The following CCDC7 variants were observed in gnomAD, a reference collection of about 807,000 sequenced individuals.
The protein encoded by CCDC7 is coiled-coil domain-containing protein 7.
Under a neutral mutation model 196.9 loss-of-function variants are expected in CCDC7, and 183 were observed. The ratio of observed to expected loss-of-function variants is 0.93; its 90% CI spans 0.82 to 1.05. The LOEUF is 1.05. Among genes scored for constraint, CCDC7 ranks in the 50% least tolerant of loss-of-function variants. The pLI, the probability that CCDC7 is intolerant of heterozygous loss-of-function variation, is 0.00. For synonymous variants in CCDC7, 525 were observed against 484.6 expected (o/e 1.08, Z -1.10); for missense variants, 1,540 against 1,482.2 (o/e 1.04, Z -0.64).
chr10:32,819,894 G>C (rs1021154246), intron 31 of CCDC7, among the ~76,000 whole-genome samples: 14 of 152,170 alleles, frequency 9.2e-5, no homozygotes, highest in African/African-American at 3.4e-4. Context: ...CATTCCCTTT[G>C]AAAACTGGCA....
At chr10:32,600,201 A>G (rs1402359798) in intron 18 of CCDC7, among the ~76,000 whole-genome samples, 1 of 151,802 alleles carries the variant, frequency 6.6e-6, no homozygotes, top group African/African-American at 2.4e-5. Flanking sequence ...TGAGCATGGG[A>G]TGTGTTTTCA....
chr10:32,717,461 A>T (rs977144748), intron 25 of CCDC7, among the ~76,000 whole-genome samples: 1 of 152,206 alleles, frequency 6.6e-6, no homozygotes, highest in African/African-American at 2.4e-5. Flanking sequence ...CTAACATCAC[A>T]ATTAAAAGAA....
intron 28 of CCDC7, among the ~76,000 whole-genome samples, chr10:32,742,351 C>G (rs995850473): frequency 4.6e-5 from 7 of 152,096 alleles, no homozygotes; most frequent in Non-Finnish European, 7.4e-5. Context: ...ACATTATCAC[C>G]CAAAGTCCAT....
At chr10:32,627,820 G>C (rs774391104) in intron 18 of CCDC7, among the ~76,000 whole-genome samples, 2 of 151,758 alleles carry the variant, frequency 1.3e-5, no homozygotes, top group East Asian at 3.9e-4. Flanking sequence ...CACATTTATT[G>C]ATTTGTATGT....
chr10:32,612,930 G>C (rs2062346313), intron 18 of CCDC7, among the ~76,000 whole-genome samples: 1 of 151,540 alleles, frequency 6.6e-6, no homozygotes, highest in Non-Finnish European at 1.5e-5. Context: ...GGATGATGCT[G>C]ACCTCATAAA....
intron 24 of CCDC7, among the ~76,000 whole-genome samples, chr10:32,700,185 T>G (rs1460114259): frequency 6.7e-6 from 1 of 149,634 alleles, no homozygotes; most frequent in Non-Finnish European, 1.5e-5. Flanking sequence ...TTTATGGTTT[T>G]AGGTCTAACA....
At chr10:32,528,634 A>ATGTG (rs529956709) in intron 11 of CCDC7, among the ~76,000 whole-genome samples, 1 of 124,936 alleles carries the variant, frequency 8.0e-6, no homozygotes, top group African/African-American at 2.5e-5. Context: ...TGGTATATGT[A>ATGTG]TGTGTGTGTG....
intron 13 of CCDC7, among the ~76,000 whole-genome samples, chr10:32,544,638 T>C (rs1396975316): frequency 6.6e-6 from 1 of 152,182 alleles, no homozygotes; most frequent in East Asian, 1.9e-4. Flanking sequence ...TATATGACTT[T>C]GGATAATTCC....
intron 31 of CCDC7, among the ~76,000 whole-genome samples, chr10:32,821,371 A>G (rs528746723): frequency 6.6e-6 from 1 of 152,152 alleles, no homozygotes; most frequent in African/African-American, 2.4e-5. Context: ...GTGGGACTGT[A>G]AACTAGTTCA....
At chr10:32,877,946 GTTGA>G (rs925888964), downstream of CCDC7, among the ~76,000 whole-genome samples, 5 of 152,004 alleles carry the variant, frequency 3.3e-5, no homozygotes, top group South Asian at 2.1e-4. Context: ...AATGGTTGCA[GTTGA>G]TTTTTTTTTT....
chr10:32,506,050 C>T lies in CCDC7; in HGVS notation c.873-11895C>T, dbSNP rs2044981540. Among the ~76,000 whole-genome samples, 4 of 142,946 alleles carry T rather than the reference C, an allele frequency of 2.8e-5. No homozygotes were observed. In the South Asian group the frequency reaches 7.0e-4, roughly 25 times the overall value. The allele number at this position is 142,946 out of a possible 152,430, so 93.8% of individuals were successfully genotyped here. ...TTTGGGGCGGCTGGGCAGAGACGCTCCTCAGTTCCTAGATGGGGTGGCGGC... is the reference window on the plus strand; with the variant it reads ...TTTGGGGCGGCTGGGCAGAGACGCTTCTCAGTTCCTAGATGGGGTGGCGGC... On this transcript the variant is annotated intron_variant, in intron 9 of 41. Transcript: ENST00000639629.
chr10:32,477,800 C>T (rs909773231), intron 8 of CCDC7, among the ~76,000 whole-genome samples: 3 of 152,108 alleles, frequency 2.0e-5, no homozygotes, highest in Non-Finnish European at 4.4e-5. Context: ...TGTTGTTCTT[C>T]AACATTGTGT....
At chr10:32,790,142 A>G (rs967236340) in intron 29 of CCDC7, among the ~76,000 whole-genome samples, 6 of 152,090 alleles carry the variant, frequency 3.9e-5, no homozygotes. Context: ...TTAGTGGTCT[A>G]CAGTTTTGAA....
intron 11 of CCDC7, among the ~76,000 whole-genome samples, chr10:32,529,136 C>G (rs1175412340): frequency 6.6e-6 from 1 of 152,092 alleles, no homozygotes; most frequent in Non-Finnish European, 1.5e-5. Context: ...ATTCTCCTGC[C>G]TTGGCCTCCC....
chr10:32,834,722 A>G (rs564584247), intron 32 of CCDC7, 93 bp from the exon 34 acceptor site: 25 of 543,128 alleles, frequency 4.6e-5, no homozygotes, highest in African/African-American at 4.6e-4. Context: ...ATTACTATTC[A>G]TACATACAAA....
At position 32,689,308 on chromosome 10, in the gene CCDC7, A is replaced by G. The variant is rs539219075; in HGVS notation, c.2344+145A>G. On this transcript the variant is annotated intron_variant, in intron 23 of 41. Transcript: ENST00000639629. Reference sequence around the variant, plus strand: ...TTAAAGAAAAAAGTGAAAAATATTGATACATTTTGGTTGAGAGATTTCTGG... The same window carrying G: ...TTAAAGAAAAAAGTGAAAAATATTGGTACATTTTGGTTGAGAGATTTCTGG... The G allele has an allele frequency of 8.9e-5, 51 of 573,838 alleles. No individual in the cohort carries two copies. The African/African-American group carries it at 9.2e-4, about 10-fold the overall frequency. 35.5% of individuals were successfully genotyped at this position (573,838 alleles called of 1,614,324 possible).
At chr10:32,566,216 A>G (rs1053661590) in intron 14 of CCDC7, among the ~76,000 whole-genome samples, 2 of 152,218 alleles carry the variant, frequency 1.3e-5, no homozygotes, top group African/African-American at 4.8e-5. Flanking sequence ...TTATCAAAAA[A>G]GTATGAATTG....
chr10:32,738,413 A>G (rs952755211), intron 28 of CCDC7, among the ~76,000 whole-genome samples: 2 of 151,182 alleles, frequency 1.3e-5, no homozygotes, highest in Non-Finnish European at 2.9e-5. Context: ...CATTATTATT[A>G]TGAATAGTCT....
chr10:32,833,068 GTTC>G (rs771403087), intron 32 of CCDC7, among the ~76,000 whole-genome samples: 25 of 152,136 alleles, frequency 1.6e-4, no homozygotes, highest in Non-Finnish European at 2.9e-4. Context: ...ATATGTACTT[GTTC>G]TTCTTTCTTT....
Sources: allele counts gnomAD v4.1 joint callset (sites outside exome capture counted in the v4.1 genomes callset), GRCh38; gene constraint gnomAD v4.1.1; transcripts MANE v1.5; gene names NCBI Gene and HGNC (gene_info 2026-07-23, HGNC 2026-07-21).